MAGI1: variants seen among roughly 807,000 people sequenced by gnomAD.
MAGI1 encodes membrane associated guanylate kinase, WW and PDZ domain containing 1.
A neutral mutation model predicts 139.9 loss-of-function variants in MAGI1; 58 were observed. The ratio of observed to expected loss-of-function variants is 0.41; its 90% CI spans 0.34 to 0.52. MAGI1 has a LOEUF of 0.52. MAGI1 is among the 20% of genes least tolerant of loss of function. The pLI, the probability that MAGI1 is intolerant of heterozygous loss-of-function variation, is 0.12. For synonymous variants in MAGI1, 812 were observed against 737.9 expected (o/e 1.10, Z -1.63); for missense variants, 1,874 against 1,901.6 (o/e 0.99, Z 0.27).
At chr3:65,578,900 G>GACAGAGTA (rs1228604341) in intron 2 of MAGI1, among the ~76,000 whole-genome samples, 1 of 150,760 alleles carries the variant, frequency 6.6e-6, no homozygotes, top group African/African-American at 2.4e-5. Flanking sequence ...CAGCCTGGGT[G>GACAGAGTA]ACAGAGTAAC....
chr3:65,883,159 C>T (rs1229278155), intron 1 of MAGI1, among the ~76,000 whole-genome samples: 2 of 152,104 alleles, frequency 1.3e-5, no homozygotes, highest in African/African-American at 4.8e-5. Context: ...ATACCACAGC[C>T]ACTCAAGTGA....
At chr3:65,812,814 G>A (rs1486066396) in intron 1 of MAGI1, among the ~76,000 whole-genome samples, 9 of 144,034 alleles carry the variant, frequency 6.2e-5, no homozygotes, top group East Asian at 2.1e-4. Flanking sequence ...GGGTTGAAGC[G>A]ATTCTCCTGC....
intron 2 of MAGI1, among the ~76,000 whole-genome samples, chr3:65,522,297 T>G (rs1245684385): frequency 2.0e-5 from 3 of 152,218 alleles, no homozygotes; most frequent in Admixed American, 6.5e-5. Context: ...TTTACCCAAC[T>G]CTTTCTTCAC....
intron 1 of MAGI1, among the ~76,000 whole-genome samples, chr3:65,656,067 T>C (rs2085858395): frequency 1.3e-5 from 2 of 152,166 alleles, no homozygotes; most frequent in African/African-American, 4.8e-5. Flanking sequence ...TCACTAACCA[T>C]TCTGGATTTC....
intron 2 of MAGI1, among the ~76,000 whole-genome samples, chr3:65,579,683 T>C (rs1389466937): frequency 6.8e-6 from 1 of 147,798 alleles, no homozygotes; most frequent in Non-Finnish European, 1.5e-5. Flanking sequence ...CTGTCTCTAC[T>C]AAAAATGCAA....
intron 22 of MAGI1, chr3:65,360,616 T>A: frequency 1.0e-6 from 1 of 985,670 alleles, no homozygotes; most frequent in South Asian, 4.7e-5. Flanking sequence ...GCTAATATAT[T>A]AACAGTTTTT....
intron 2 of MAGI1, among the ~76,000 whole-genome samples, chr3:65,502,266 T>C (rs548294941): frequency 3.9e-5 from 6 of 152,338 alleles, no homozygotes; most frequent in Admixed American, 2.6e-4. Flanking sequence ...AATAAAGCCA[T>C]TTTGTTTTAT....
At chr3:65,587,535 G>A (rs2081748281) in intron 2 of MAGI1, among the ~76,000 whole-genome samples, 1 of 141,494 alleles carries the variant, frequency 7.1e-6, no homozygotes, top group Non-Finnish European at 1.5e-5. Flanking sequence ...CCAGGCTGGA[G>A]TGCACTGGTG....
intron 1 of MAGI1, among the ~76,000 whole-genome samples, chr3:65,792,879 C>T (rs1030388796): frequency 9.9e-5 from 15 of 152,026 alleles, no homozygotes; most frequent in African/African-American, 2.4e-4. Context: ...CATGGATTGG[C>T]GCGGGGGAGG....
At position 65,437,193 on chromosome 3, in the gene MAGI1, G is replaced by A; in HGVS notation, c.1325C>T (p.Pro442Leu). The change falls in exon 10 of 23, where the codon CCA becomes CTA. Residue 442 changes from proline (P) to leucine (L), a missense_variant. Physicochemically the swap from Pro to Leu is moderately conservative, Grantham distance 98 (BLOSUM62 -3). Around this residue, in one of 5 missense-constraint regions of MAGI1, gnomAD observed 648 missense variants for 598.1 expected, o/e 1.08. Coordinates refer to ENST00000402939, the MANE Select transcript of MAGI1 (RefSeq NM_001033057.2). ...TTCTCTGGCTGGCTCTGGATTGCTT[G>A]GAGGGTGGTTTGGAATAACAGGAGG... ...LVPPVIPNHPPSNPEPAREVP... is the reference protein window; with the variant it reads ...LVPPVIPNHPLSNPEPAREVP... The A allele has an allele frequency of 6.2e-7, 1 of 1,612,238 alleles. No individual in the cohort carries two copies.
At chr3:65,365,222 T>C in intron 18 of MAGI1, 1 of 623,786 alleles carries the variant, frequency 1.6e-6, no homozygotes, top group Non-Finnish European at 3.0e-6. Context: ...TCTAAAATTC[T>C]AGCCAAGGTA....
intron 5 of MAGI1, among the ~76,000 whole-genome samples, chr3:65,455,765 A>G (rs972128950): frequency 2.6e-5 from 4 of 152,202 alleles, no homozygotes; most frequent in African/African-American, 9.6e-5. Flanking sequence ...AAATAATTTT[A>G]AAAAGAATGT....
intron 1 of MAGI1, among the ~76,000 whole-genome samples, chr3:65,629,421 A>G (rs781531825): frequency 6.6e-6 from 1 of 152,224 alleles, no homozygotes; most frequent in African/African-American, 2.4e-5. Flanking sequence ...GAGAACCTGC[A>G]TAAGGATTTT....
intron 1 of MAGI1, among the ~76,000 whole-genome samples, chr3:65,983,478 T>C (rs2107293807): frequency 6.6e-6 from 1 of 152,340 alleles, no homozygotes; most frequent in Non-Finnish European, 1.5e-5. Context: ...ACTCACATAG[T>C]TTGGATGAAA....
intron 1 of MAGI1, among the ~76,000 whole-genome samples, chr3:66,028,661 C>T (rs1194504190): frequency 2.0e-5 from 3 of 152,120 alleles, no homozygotes; most frequent in African/African-American, 7.2e-5. Flanking sequence ...CCTCCCTCCA[C>T]ACTACCACAA....
intron 1 of MAGI1, among the ~76,000 whole-genome samples, chr3:65,625,264 T>C (rs1483015083): frequency 3.9e-5 from 6 of 152,204 alleles, no homozygotes; most frequent in South Asian, 2.1e-4. Context: ...GTATGTTTTA[T>C]TATATGTAAG....
intron 1 of MAGI1, among the ~76,000 whole-genome samples, chr3:65,846,996 A>C (rs1480535375): frequency 1.3e-5 from 2 of 150,592 alleles, no homozygotes; most frequent in Non-Finnish European, 3.0e-5. Context: ...AAAAAAAAAA[A>C]CCCTAAGCAC....
At chr3:65,823,025 T>C (rs1031138292) in intron 1 of MAGI1, among the ~76,000 whole-genome samples, 1 of 152,228 alleles carries the variant, frequency 6.6e-6, no homozygotes, top group African/African-American at 2.4e-5. Context: ...AGAAAAAATA[T>C]TTTGCAACAT....
intron 1 of MAGI1, among the ~76,000 whole-genome samples, chr3:65,891,104 T>C (rs964538365): frequency 6.6e-6 from 1 of 151,656 alleles, no homozygotes; most frequent in Non-Finnish European, 1.5e-5. Context: ...TCCTAGCTAC[T>C]TGGGAGGCTG....
Sources: gnomAD v4.1 joint callset for allele counts (sites outside exome capture counted in the v4.1 genomes callset) on GRCh38, gnomAD v4.1.1 for gene constraint, gnomAD v4.1.1 regional missense constraint, MANE v1.5 for transcripts, NCBI Gene and HGNC (gene_info 2026-07-23, HGNC 2026-07-21) for gene names.